Variants in MSL2 observed in about 807,000 individuals in gnomAD.
The protein encoded by MSL2 is MSL complex subunit 2.
MSL2 carries 2 observed loss-of-function variants against 35.8 expected under a neutral mutation model. The ratio of observed to expected loss-of-function variants is 0.06; its 90% CI spans 0.02 to 0.18. MSL2 has a LOEUF of 0.18. Ranked by LOEUF, MSL2 falls within the 10% of genes least tolerant of loss-of-function variation. The pLI is 1.00. For missense variants in MSL2, 523 were observed against 706.7 expected (o/e 0.74, Z 2.95); for synonymous variants, 296 against 255.7 (o/e 1.16, Z -1.50).
intron 1 of MSL2, chr3:136,155,900 A>G (rs1246518962): frequency 3.5e-6 from 2 of 568,908 alleles, no homozygotes; most frequent in African/African-American, 1.9e-5. Context: ...TGGCCTTGTG[A>G]TGGATGAGCA....
chr3:136,161,817 G>T (rs1939714094), intron 1 of MSL2, among the ~76,000 whole-genome samples: 1 of 152,050 alleles, frequency 6.6e-6, no homozygotes, highest in African/African-American at 2.4e-5. Context: ...TTAAGACAAG[G>T]CACCAATAGT....
At chr3:136,165,638 G>A (rs1031930796) in intron 1 of MSL2, among the ~76,000 whole-genome samples, 5 of 152,124 alleles carry the variant, frequency 3.3e-5, no homozygotes, top group African/African-American at 1.2e-4. Context: ...CACAATACAA[G>A]TAACCTCCAT....
At chr3:136,175,000 C>G (rs1008546025) in intron 1 of MSL2, among the ~76,000 whole-genome samples, 3 of 152,110 alleles carry the variant, frequency 2.0e-5, no homozygotes, top group African/African-American at 4.8e-5. Context: ...CTGATCAACC[C>G]AAATAAACAC....
At chr3:136,176,020 T>C (rs1173895472) in intron 1 of MSL2, among the ~76,000 whole-genome samples, 1 of 152,102 alleles carries the variant, frequency 6.6e-6, no homozygotes, top group Non-Finnish European at 1.5e-5. Flanking sequence ...CAATAACTAG[T>C]AGGACATATT....
chr3:136,170,930 T>C (rs1940007147), intron 1 of MSL2, among the ~76,000 whole-genome samples: 1 of 152,126 alleles, frequency 6.6e-6, no homozygotes, highest in African/African-American at 2.4e-5. Context: ...CTAACAATGA[T>C]GGGAGGGAAA....
intron 1 of MSL2, among the ~76,000 whole-genome samples, chr3:136,169,707 C>A (rs374894531): frequency 9.9e-5 from 15 of 152,052 alleles, no homozygotes; most frequent in East Asian, 7.9e-4. Context: ...CCTGCCTCGG[C>A]CTCCCAAAGT....
chr3:136,152,715 C>T lies in MSL2; in HGVS notation c.166G>A (p.Ala56Thr). 6.2e-7 allele frequency: 1 copy of T among 1,613,740 alleles called. No homozygotes were observed. Among genetic ancestry groups the T allele is most frequent in the Non-Finnish European group, 8.5e-7 (1 of 1,179,856 alleles). ...TGTTGGCAGGTGGAGTTGGTGGGTG[C>T]AATAGGATCTTGTAGCAAATGTCCT... ...VCGHLLQDPI[A>T]PTNSTCQHYV... The change falls in exon 2 of 2, where the codon GCA becomes ACA. Residue 56 changes from alanine (A) to threonine (T), a missense_variant. By Grantham distance (58) the Ala-to-Thr change is moderately conservative. This residue lies in a region of MSL2 where 41 missense variants were observed against 83.3 expected (regional missense o/e 0.49). Coordinates refer to ENST00000309993, the MANE Select transcript of MSL2 (RefSeq NM_018133.4).
At chr3:136,189,197 G>A (rs964095090) in intron 1 of MSL2, among the ~76,000 whole-genome samples, 3 of 142,962 alleles carry the variant, frequency 2.1e-5, no homozygotes, top group Non-Finnish European at 3.0e-5. Context: ...CTAATTGAAA[G>A]GCTGAGGTGG....
intron 1 of MSL2, among the ~76,000 whole-genome samples, chr3:136,177,928 C>A (rs977442649): frequency 1.3e-5 from 2 of 152,108 alleles, no homozygotes; most frequent in African/African-American, 4.8e-5. Context: ...AAAACCTGAA[C>A]AGTTAAACTT....
intron 1 of MSL2, among the ~76,000 whole-genome samples, chr3:136,191,321 G>C (rs1421491698): frequency 6.6e-6 from 1 of 152,042 alleles, no homozygotes; most frequent in East Asian, 1.9e-4. Context: ...ACAAAAATTA[G>C]CTGGGTGTGG....
chr3:136,196,214 G>A lies in MSL2; in HGVS notation c.-1101C>T, dbSNP rs1159674046. On this transcript the variant is annotated 5_prime_UTR_variant, in exon 1 of 2. Transcript: ENST00000309993. ...CTGCTGCGGCCTTAATGGATCCCGCGGGCTGTGTGGCGCCTCAGGCCTCTG... is the reference window on the plus strand; with the variant it reads ...CTGCTGCGGCCTTAATGGATCCCGCAGGCTGTGTGGCGCCTCAGGCCTCTG... 1 of 151,934 alleles carries A rather than the reference G, an allele frequency of 6.6e-6. No individual in the cohort carries two copies. Among genetic ancestry groups the A allele is most frequent in the Non-Finnish European group, 1.5e-5 (1 of 68,166 alleles). The allele number at this position is 151,934 out of a possible 1,614,324, so 9.4% of individuals were successfully genotyped here. A position where few individuals can be genotyped will look rare whatever the true frequency, so the allele number is the denominator to read the frequency against.
intron 1 of MSL2, among the ~76,000 whole-genome samples, chr3:136,189,745 C>G (rs1006961198): frequency 7.1e-6 from 1 of 141,600 alleles, no homozygotes; most frequent in Non-Finnish European, 1.5e-5. Context: ...AAAAAGAATT[C>G]TTCCCAGATC....
At chr3:136,172,119 G>T (rs976372493) in intron 1 of MSL2, among the ~76,000 whole-genome samples, 3 of 152,066 alleles carry the variant, frequency 2.0e-5, no homozygotes, top group African/African-American at 4.8e-5. Flanking sequence ...CCTGTATATT[G>T]AAATTTTCTA....
chr3:136,174,315 C>T (rs2108079237), intron 1 of MSL2, among the ~76,000 whole-genome samples: 1 of 152,156 alleles, frequency 6.6e-6, no homozygotes, highest in East Asian at 1.9e-4. Context: ...TAACTGGGTA[C>T]TAGCAATGAA....
At chr3:136,193,033 A>C (rs1335131679) in intron 1 of MSL2, among the ~76,000 whole-genome samples, 1 of 152,216 alleles carries the variant, frequency 6.6e-6, no homozygotes, top group Non-Finnish European at 1.5e-5. Context: ...AGCAGAACTC[A>C]CGATCTTTTC....
intron 1 of MSL2, among the ~76,000 whole-genome samples, chr3:136,193,525 G>A (rs1460751731): frequency 5.3e-5 from 8 of 151,490 alleles, no homozygotes; most frequent in African/African-American, 1.7e-4. Context: ...ATATGGAGAA[G>A]GAAGTTATGG....
intron 1 of MSL2, among the ~76,000 whole-genome samples, chr3:136,171,569 T>C (rs1449185367): frequency 6.6e-6 from 1 of 152,112 alleles, no homozygotes; most frequent in Non-Finnish European, 1.5e-5. Context: ...AAGCCTTAAG[T>C]GGGGATTTGG....
chr3:136,155,756 A>G, intron 1 of MSL2: 1 of 536,340 alleles, frequency 1.9e-6, no homozygotes, highest in Non-Finnish European at 3.8e-6. Flanking sequence ...CGGAATTGTG[A>G]GCACCATGTA....
At chr3:136,171,935 C>T (rs1047324780) in intron 1 of MSL2, among the ~76,000 whole-genome samples, 1 of 151,994 alleles carries the variant, frequency 6.6e-6, no homozygotes, top group Non-Finnish European at 1.5e-5. Flanking sequence ...GTTGCCCAGT[C>T]GCTTAGGATG....
Sources: gnomAD v4.1 joint callset for allele counts (sites outside exome capture counted in the v4.1 genomes callset) on GRCh38, gnomAD v4.1.1 for gene constraint, gnomAD v4.1.1 regional missense constraint, MANE v1.5 for transcripts, NCBI Gene and HGNC (gene_info 2026-07-23, HGNC 2026-07-21) for gene names.